Variants in SH3GL3 observed in about 807,000 individuals in gnomAD.
SH3GL3 encodes the protein SH3 domain containing GRB2 like 3, endophilin A3.
Under a neutral mutation model 47.7 loss-of-function variants are expected in SH3GL3, and 33 were observed. The observed-to-expected ratio is 0.69, with a 90% CI of 0.52 to 0.92. SH3GL3 has a LOEUF of 0.92. Ranked by LOEUF, SH3GL3 falls within the 40% of genes least tolerant of loss-of-function variation. SH3GL3 has a pLI of 0.00. For synonymous variants in SH3GL3, 155 were observed against 148.8 expected (o/e 1.04, Z -0.30); for missense variants, 363 against 417.8 (o/e 0.87, Z 1.14).
intron 6 of SH3GL3, among the ~76,000 whole-genome samples, chr15:83,579,678 G>A (rs770677501): frequency 1.7e-4 from 26 of 152,164 alleles, no homozygotes; most frequent in Non-Finnish European, 3.5e-4. Flanking sequence ...GAGGCTAAGG[G>A]GGTGCTGTTG....
chr15:83,500,873 T>G (rs560053416), intron 1 of SH3GL3, among the ~76,000 whole-genome samples: 10 of 152,344 alleles, frequency 6.6e-5, no homozygotes, highest in African/African-American at 2.2e-4. Context: ...CACTCTTACC[T>G]GGGCTAGTAA....
chr15:83,526,162 C>CA (rs1485393516), intron 1 of SH3GL3, among the ~76,000 whole-genome samples: 3 of 151,894 alleles, frequency 2.0e-5, no homozygotes, highest in East Asian at 1.9e-4. Context: ...ATTAAAAAGT[C>CA]AAAAAAATCA....
At chr15:83,467,142 T>C (rs2040605886) in intron 1 of SH3GL3, among the ~76,000 whole-genome samples, 1 of 152,266 alleles carries the variant, frequency 6.6e-6, no homozygotes, top group South Asian at 2.1e-4. Context: ...GATTTTCTCC[T>C]ATGTCTATTT....
chr15:83,521,506 G>T (rs901648015), intron 1 of SH3GL3, among the ~76,000 whole-genome samples: 4 of 152,136 alleles, frequency 2.6e-5, no homozygotes, highest in East Asian at 1.9e-4. Flanking sequence ...CAGCGCTCCT[G>T]CTTTACCCGC....
At chr15:83,517,590 CTTG>C (rs1307742628) in intron 1 of SH3GL3, among the ~76,000 whole-genome samples, 3 of 152,086 alleles carry the variant, frequency 2.0e-5, no homozygotes, top group East Asian at 3.9e-4. Context: ...TTGGATTTCC[CTTG>C]TTGTGAAAGG....
Position 83,618,271 on chromosome 15 carries a change from T to C in SH3GL3, c.1028T>C (p.Val343Ala). 1 of 1,604,188 alleles carries C rather than the reference T, an allele frequency of 6.2e-7. No individual in the cohort carries two copies. Among genetic ancestry groups the C allele is most frequent in the East Asian group, 2.2e-5 (1 of 44,836 alleles). The part of the protein sequence containing the change: ...FFPINYVEVI[V>A]PLPQ ...CCCATTAATTACGTGGAAGTGATCG[T>C]GCCTTTACCTCAGTAAATGTGTAAC... The change falls in exon 9 of 9, where the codon GTG becomes GCG. Residue 343 changes from valine to alanine, a missense_variant. Physicochemically the swap from Val to Ala is moderately conservative, Grantham distance 64. Coordinates refer to ENST00000427482, the MANE Select transcript of SH3GL3 (RefSeq NM_003027.5).
chr15:83,530,401 G>A (rs2043616146), intron 1 of SH3GL3, among the ~76,000 whole-genome samples: 1 of 152,160 alleles, frequency 6.6e-6, no homozygotes. Flanking sequence ...GCTTCTAGCT[G>A]ATGCCAGCTG....
intron 8 of SH3GL3, among the ~76,000 whole-genome samples, chr15:83,591,951 C>G (rs2730095): frequency 3.9e-5 from 6 of 152,010 alleles, no homozygotes; most frequent in Admixed American, 6.6e-5. Context: ...GGGATTACAG[C>G]TGTGAGCCAC....
chr15:83,526,081 G>T (rs2043408907), intron 1 of SH3GL3, among the ~76,000 whole-genome samples: 1 of 152,112 alleles, frequency 6.6e-6, no homozygotes, highest in African/African-American at 2.4e-5. Flanking sequence ...TTTTAATAGG[G>T]ATTGCACTGA....
rs1567016948 is a variant in SH3GL3 at position 83,588,599 on chromosome 15, G to GA, written c.729-63_729-62insA. 5.2e-5 allele frequency: 52 copies of GA among 995,156 alleles called. No individual in the cohort carries two copies. The Admixed American group carries it at 9.0e-4, about 17-fold the overall frequency. The allele number at this position is 995,156 out of a possible 1,614,324, so 61.6% of individuals were successfully genotyped here. A position where few individuals can be genotyped will look rare whatever the true frequency, so the allele number is the denominator to read the frequency against. ...GTTCCTGTGCTCAACAAGGCAGAGA[G>GA]GATGTGTGTTTGGAAAGCTTTCAAC... On this transcript the variant is annotated intron_variant, in intron 7 of 8. Transcript: ENST00000427482.
intron 1 of SH3GL3, among the ~76,000 whole-genome samples, chr15:83,555,300 T>C (rs907458771): frequency 1.3e-5 from 2 of 152,224 alleles, no homozygotes; most frequent in African/African-American, 2.4e-5. Context: ...TTTAATAATA[T>C]CCTAAACACA....
intron 1 of SH3GL3, among the ~76,000 whole-genome samples, chr15:83,558,604 G>A (rs1314876186): frequency 6.6e-6 from 1 of 152,054 alleles, no homozygotes; most frequent in South Asian, 2.1e-4. Flanking sequence ...CCCCACAACA[G>A]ATAATTATCT....
At chr15:83,607,350 A>G (rs1327261155) in intron 8 of SH3GL3, among the ~76,000 whole-genome samples, 1 of 152,106 alleles carries the variant, frequency 6.6e-6, no homozygotes, top group Non-Finnish European at 1.5e-5. Context: ...CATCCAGAGG[A>G]CTCTGAGTCC....
chr15:83,552,020 T>G (rs1567329483), intron 1 of SH3GL3, among the ~76,000 whole-genome samples: 1 of 152,236 alleles, frequency 6.6e-6, no homozygotes, highest in Non-Finnish European at 1.5e-5. Flanking sequence ...TGGCACCTTC[T>G]CATTTATATA....
At chr15:83,553,782 G>A (rs2044786756) in intron 1 of SH3GL3, among the ~76,000 whole-genome samples, 1 of 152,122 alleles carries the variant, frequency 6.6e-6, no homozygotes, top group South Asian at 2.1e-4. Flanking sequence ...TATTATTGCT[G>A]AAGGTTTTAA....
chr15:83,595,050 G>A (rs768225150), intron 8 of SH3GL3, among the ~76,000 whole-genome samples: 2 of 152,240 alleles, frequency 1.3e-5, no homozygotes, highest in African/African-American at 2.4e-5. Flanking sequence ...ACACATACAC[G>A]TGTATGTTCA....
chr15:83,538,664 T>C (rs993008560), intron 1 of SH3GL3, among the ~76,000 whole-genome samples: 3 of 152,226 alleles, frequency 2.0e-5, no homozygotes, highest in Non-Finnish European at 2.9e-5. Flanking sequence ...CAATGTTATG[T>C]CTGAAATTTA....
At chr15:83,506,306 C>T (rs539022310) in intron 1 of SH3GL3, among the ~76,000 whole-genome samples, 2 of 152,132 alleles carry the variant, frequency 1.3e-5, no homozygotes, top group Admixed American at 6.5e-5. Context: ...GTGATGAATA[C>T]GGTTAGCAAA....
chr15:83,630,874 A>T, the SH3GL3 span, among the ~76,000 whole-genome samples: 4 of 152,152 alleles, frequency 2.6e-5, no homozygotes, highest in Admixed American at 6.5e-5. Flanking sequence ...ATGCCCTTCC[A>T]ACAGTCCCCC....
Sources: allele counts gnomAD v4.1 joint callset (sites outside exome capture counted in the v4.1 genomes callset), GRCh38; gene constraint gnomAD v4.1.1; transcripts MANE v1.5; gene names NCBI Gene and HGNC (gene_info 2026-07-23, HGNC 2026-07-21).